Variants in FOXP2 observed in about 807,000 individuals in gnomAD.
FOXP2 encodes forkhead box protein P2.
Under a neutral mutation model 115.8 loss-of-function variants are expected in FOXP2, and 12 were observed. That is an observed-to-expected ratio of 0.10 (90% CI 0.07 to 0.17). FOXP2 has a LOEUF of 0.17. Ranked by LOEUF, FOXP2 falls within the 10% of genes least tolerant of loss-of-function variation. The pLI, the probability that FOXP2 is intolerant of heterozygous loss-of-function variation, is 1.00. For missense variants in FOXP2, 629 were observed against 843.5 expected, an observed-to-expected ratio of 0.75 and a Z score of 3.15; for synonymous variants, 328 against 297.7, an observed-to-expected ratio of 1.10 and a Z score of -1.05.
intron 1 of FOXP2, among the ~76,000 whole-genome samples, chr7:114,132,168 C>G (rs1791896188): frequency 6.6e-6 from 1 of 152,120 alleles, no homozygotes; most frequent in African/African-American, 2.4e-5. Context: ...TTTTAATAAA[C>G]TAATATCGTA....
At chr7:114,543,106 C>T (rs1260991387) in intron 3 of FOXP2, among the ~76,000 whole-genome samples, 1 of 151,902 alleles carries the variant, frequency 6.6e-6, no homozygotes, top group African/African-American at 2.4e-5. Flanking sequence ...TTTAAGTCAC[C>T]CTATCTTAAT....
At chr7:114,346,651 T>C (rs2129185051) in intron 2 of FOXP2, among the ~76,000 whole-genome samples, 1 of 152,014 alleles carries the variant, frequency 6.6e-6, no homozygotes, top group East Asian at 1.9e-4. Flanking sequence ...GATAACATCA[T>C]GTTAGGTGTG....
chr7:114,231,339 C>T (rs570859960), intron 1 of FOXP2, among the ~76,000 whole-genome samples: 11 of 152,198 alleles, frequency 7.2e-5, no homozygotes, highest in Middle Eastern at 3.4e-3. Context: ...ATTAAAATCC[C>T]AATGCATTTG....
chr7:114,664,979 G>A (rs1337621929), intron 16 of FOXP2: 1 of 156,316 alleles, frequency 6.4e-6, no homozygotes, highest in Non-Finnish European at 1.4e-5. Flanking sequence ...AATTACTGGT[G>A]CGTCTGTATT....
chr7:114,509,552 G>A (rs1268349608), intron 2 of FOXP2, among the ~76,000 whole-genome samples: 1 of 151,872 alleles, frequency 6.6e-6, no homozygotes. Flanking sequence ...ATAGGTTGAT[G>A]TGAGTATGTC....
chr7:114,211,294 C>G (rs1025913486), intron 1 of FOXP2, among the ~76,000 whole-genome samples: 16 of 152,196 alleles, frequency 1.1e-4, no homozygotes, highest in African/African-American at 2.9e-4. Context: ...AGCTACCCTG[C>G]TGAGAATCCA....
intron 16 of FOXP2, among the ~76,000 whole-genome samples, chr7:114,672,500 G>A (rs139537456): frequency 7.0e-4 from 107 of 152,072 alleles, no homozygotes; most frequent in African/African-American, 2.2e-3. Context: ...CAGGAGAATC[G>A]CTTGAACCCA....
intron 2 of FOXP2, among the ~76,000 whole-genome samples, chr7:114,308,415 T>A (rs1270599739): frequency 6.6e-6 from 1 of 152,146 alleles, no homozygotes; most frequent in Non-Finnish European, 1.5e-5. Flanking sequence ...GTAAAGTGCA[T>A]CATATCTAGA....
At chr7:114,628,837 A>G (rs1332483183) in intron 4 of FOXP2, 160 bp downstream of exon 4, 2 of 835,178 alleles carry the variant, frequency 2.4e-6, no homozygotes, top group South Asian at 3.3e-5. Context: ...TAGAACTCGT[A>G]AGAAAATCTA....
chr7:114,509,419 AG>A (rs1453784762), intron 2 of FOXP2, among the ~76,000 whole-genome samples: 1 of 152,080 alleles, frequency 6.6e-6, no homozygotes, highest in African/African-American at 2.4e-5. Flanking sequence ...ATGGAAAAAA[AG>A]AGAAAGGTAT....
intron 2 of FOXP2, among the ~76,000 whole-genome samples, chr7:114,505,290 A>T (rs536744141): frequency 6.6e-6 from 1 of 151,692 alleles, no homozygotes; most frequent in East Asian, 1.9e-4. Context: ...ATTACAAATT[A>T]TTCTTTTCTG....
chr7:114,366,373 ATAAT>A, intron 2 of FOXP2: 1 of 152,330 alleles, frequency 6.6e-6, no homozygotes, highest in Middle Eastern at 3.4e-3. Context: ...ACGATGGATC[ATAAT>A]TAATGCACTA....
intron 1 of FOXP2, among the ~76,000 whole-genome samples, chr7:114,144,939 T>C (rs752435246): frequency 6.6e-6 from 1 of 152,216 alleles, no homozygotes; most frequent in Non-Finnish European, 1.5e-5. Context: ...AAATTGACTC[T>C]TCTGTTAGTT....
intron 1 of FOXP2, among the ~76,000 whole-genome samples, chr7:114,096,376 T>C (rs1799652392): frequency 6.6e-6 from 1 of 152,212 alleles, no homozygotes; most frequent in African/African-American, 2.4e-5. Flanking sequence ...TCTTGATCAG[T>C]TTATAATATT....
At chr7:114,322,352 T>A (rs932754181) in intron 2 of FOXP2, among the ~76,000 whole-genome samples, 1 of 151,454 alleles carries the variant, frequency 6.6e-6, no homozygotes, top group African/African-American at 2.4e-5. Flanking sequence ...AAGCTCATTT[T>A]AAAAATTTTA....
At chr7:114,193,843 C>T (rs761411159) in intron 1 of FOXP2, among the ~76,000 whole-genome samples, 7 of 152,016 alleles carry the variant, frequency 4.6e-5, no homozygotes, top group Non-Finnish European at 7.4e-5. Context: ...GAGTTAGTGA[C>T]GGATTGCAAA....
intron 1 of FOXP2, among the ~76,000 whole-genome samples, chr7:114,165,836 C>T (rs377129094): frequency 1.3e-5 from 2 of 152,204 alleles, no homozygotes; most frequent in East Asian, 3.9e-4. Flanking sequence ...AAAAGAAAAT[C>T]GGAGGACTGA....
intron 1 of FOXP2, among the ~76,000 whole-genome samples, chr7:114,109,403 A>G (rs962335421): frequency 2.6e-5 from 4 of 152,080 alleles, no homozygotes; most frequent in African/African-American, 7.2e-5. Context: ...CAAAATAACA[A>G]CATAGTTTGT....
chr7:114,587,602 T>A (rs1455269234), intron 3 of FOXP2, among the ~76,000 whole-genome samples: 2 of 152,050 alleles, frequency 1.3e-5, no homozygotes, highest in Non-Finnish European at 2.9e-5. Flanking sequence ...GTTTCAGCTT[T>A]AATTCTTTGA....
Sources: gnomAD v4.1 joint callset for allele counts (sites outside exome capture counted in the v4.1 genomes callset) on GRCh38, gnomAD v4.1.1 for gene constraint, MANE v1.5 for transcripts, NCBI Gene and HGNC (gene_info 2026-07-23, HGNC 2026-07-21) for gene names.